The following DNAH1 variants were observed in gnomAD, a reference collection of about 807,000 sequenced individuals.
The protein encoded by DNAH1 is axonemal beta dynein heavy chain 1.
Under a neutral mutation model 484.3 loss-of-function variants are expected in DNAH1, and 327 were observed. That is an observed-to-expected ratio of 0.68 (90% CI 0.62 to 0.74). The LOEUF is 0.74. Among genes scored for constraint, DNAH1 ranks in the 30% least tolerant of loss-of-function variants. DNAH1 has a pLI of 0.00. For synonymous variants in DNAH1, 2,192 were observed against 2,191.9 expected (o/e 1.00, Z 0.00); for missense variants, 5,052 against 5,546.8 (o/e 0.91, Z 2.83).
chr3:52,359,457 G>T, intron 26 of DNAH1, 71 bp downstream of exon 26: 2 of 1,532,692 alleles, frequency 1.3e-6, no homozygotes, highest in Admixed American at 2.0e-5. Context: ...CAGTCCCTCC[G>T]GAAGCTTTCT....
chr3:52,345,482 C>T lies in DNAH1; in HGVS notation c.1445-13C>T, dbSNP rs982664732. The T allele has an allele frequency of 2.6e-6, 4 of 1,554,866 alleles. No homozygotes were observed. The highest frequency in any genetic ancestry group is 3.5e-6 in the Non-Finnish European group (4 of 1,148,578). On this transcript the variant is annotated splice_polypyrimidine_tract_variant and intron_variant, in intron 9 of 77. Transcript: ENST00000420323. ...CAGGGTCTGATACTGGCCCTTGGCCCCTATCCCTGCAGGGCTGGTGAGTGT... is the reference window on the plus strand; with the variant it reads ...CAGGGTCTGATACTGGCCCTTGGCCTCTATCCCTGCAGGGCTGGTGAGTGT...
In DNAH1 at chr3:52,393,352, T is replaced by A. The variant is rs1213693876; in HGVS notation, c.10493T>A (p.Ile3498Asn). ...TCCACAGACAACCTGAAGAAGCGCA[T>A]CTCCAACATCAACCGCTACCTGACC... ...SERADNLKKR[I>N]SNINRYLTYS... Residue 3498 changes from isoleucine to asparagine, a missense_variant, in exon 66 of 78, where the codon ATC becomes AAC. By Grantham distance (149) the Ile-to-Asn change is moderately radical. This residue lies in a region of DNAH1 where 2,929 missense variants were observed against 3,409.4 expected (regional missense o/e 0.86). Coordinates refer to ENST00000420323, the MANE Select transcript of DNAH1 (RefSeq NM_015512.5). The A allele has an allele frequency of 6.2e-7, 1 of 1,613,888 alleles. No homozygotes were observed. The highest frequency in any genetic ancestry group is 8.5e-7 in the Non-Finnish European group (1 of 1,179,856).
chr3:52,380,374 C>CA (rs1703791746), intron 48 of DNAH1, among the ~76,000 whole-genome samples: 1 of 152,100 alleles, frequency 6.6e-6, no homozygotes, highest in Admixed American at 6.5e-5. Flanking sequence ...GGGCTCTAGA[C>CA]ACAGGGGCAA....
chr3:52,367,620 G>A (rs1329594173), intron 36 of DNAH1, among the ~76,000 whole-genome samples: 1 of 151,844 alleles, frequency 6.6e-6, no homozygotes, highest in Admixed American at 6.6e-5. Context: ...TGTTGCCCAG[G>A]CTGGAGTGCA....
Position 52,359,229 on chromosome 3 carries a change from C to T in DNAH1, c.4267-17C>T. 5 of 1,560,436 alleles carry T rather than the reference C, an allele frequency of 3.2e-6. No individual in the cohort carries two copies. Among genetic ancestry groups the T allele is most frequent in the Non-Finnish European group, 4.3e-6 (5 of 1,151,732 alleles). On this transcript the variant is annotated splice_polypyrimidine_tract_variant and intron_variant, in intron 25 of 77. Coordinates refer to ENST00000420323, the MANE Select transcript of DNAH1 (RefSeq NM_015512.5). The stretch of plus-strand genomic sequence containing the variant: ...GCTGCGGCTGTCCAGGTCAGCCTGC[C>T]CATGCTGTCTTCCCAGATGCCCAGG...
In DNAH1 at chr3:52,362,569, A is replaced by G. The variant is rs1359346750; in HGVS notation, c.5094+68A>G. The G allele has an allele frequency of 2.2e-6, 3 of 1,381,986 alleles. No individual in the cohort carries two copies. The highest frequency in any genetic ancestry group is 1.8e-4 in the Middle Eastern group (1 of 5,618). The allele number at this position is 1,381,986 out of a possible 1,614,324, so 85.6% of individuals were successfully genotyped here. ...AGCCTGAGTTCAGAGATGCTAAGCC[A>G]CTTATGCAAGGACACAGTTGCTTGG... On this transcript the variant is annotated intron_variant, in intron 31 of 77. Coordinates refer to ENST00000420323, the MANE Select transcript of DNAH1 (RefSeq NM_015512.5). This position sits in a 1 kb window ranked among gnomAD's most constrained non-coding sequence, Gnocchi z 5.1.
chr3:52,394,544 G>T lies in DNAH1; in HGVS notation c.10706G>T (p.Arg3569Leu), dbSNP rs772508210. 4.0e-5 allele frequency: 64 copies of T among 1,613,840 alleles called. No individual in the cohort carries two copies. In the East Asian group the frequency reaches 1.3e-3, roughly 32 times the overall value. ...CCGGCACCGGACTGGCTGTCAGACC[G>T]GGCTTGGCGAGACATCCTAGCACTC... ...ENPAPDWLSDRAWRDILALSN... is the reference protein window; with the variant it reads ...ENPAPDWLSDLAWRDILALSN... Residue 3569 changes from arginine to leucine, a missense_variant, in exon 67 of 78, where the codon CGG becomes CTG. Physicochemically the swap from Arg to Leu is moderately radical, Grantham distance 102. Around this residue, in one of 4 missense-constraint regions of DNAH1, gnomAD observed 853 missense variants for 899.0 expected, o/e 0.95. Coordinates refer to ENST00000420323, the MANE Select transcript of DNAH1 (RefSeq NM_015512.5).
intron 60 of DNAH1, among the ~76,000 whole-genome samples, 165 bp downstream of exon 60, chr3:52,389,751 G>A (rs944032780): frequency 6.6e-6 from 1 of 152,370 alleles, no homozygotes; most frequent in African/African-American, 2.4e-5. Context: ...AGGACAGGAG[G>A]AGAAAGCTGG....
At chr3:52,340,478 A>G (rs1701896457) in intron 8 of DNAH1, among the ~76,000 whole-genome samples, 1 of 151,830 alleles carries the variant, frequency 6.6e-6, no homozygotes, top group Non-Finnish European at 1.5e-5. Flanking sequence ...TCTGTCACTC[A>G]GTCTGGAGAG....
chr3:52,312,470 G>A (rs1044161753), upstream of DNAH1, among the ~76,000 whole-genome samples: 3 of 148,026 alleles, frequency 2.0e-5, no homozygotes, highest in Admixed American at 1.3e-4. Context: ...GTATTGCCAC[G>A]CTTTTTTTTT....
Position 52,394,474 on chromosome 3 carries a change from C to T in DNAH1, c.10636C>T (p.Arg3546Ter), listed in dbSNP as rs200416242. The change falls in exon 67 of 78, where the codon CGA (arginine) becomes TGA (stop). Residue 3546 changes from arginine (R) to a stop codon, truncating the protein, a stop_gained. Coordinates refer to ENST00000420323, the MANE Select transcript of DNAH1 (RefSeq NM_015512.5). LOFTEE classifies it high-confidence loss of function. ...TCCTGTCCCCTGCCAGAGTGAGTGG[C>T]GATACCTCCTGTCTGGGGGCTCCAT... Reference protein sequence around the residue: ...NEGKINQSEWRYLLSGGSISI... With the variant: ...NEGKINQSEW The T allele has an allele frequency of 8.2e-5, 132 of 1,613,804 alleles. No homozygotes were observed. Among genetic ancestry groups the T allele is most frequent in the Non-Finnish European group, 1.0e-4 (119 of 1,179,860 alleles).
At chr3:52,339,682 C>G (rs1407426035) in intron 8 of DNAH1, among the ~76,000 whole-genome samples, 1 of 151,616 alleles carries the variant, frequency 6.6e-6, no homozygotes, top group African/African-American at 2.4e-5. Flanking sequence ...CGGTGTTCAC[C>G]TATTCATTTC....
rs1214963684 is a variant in DNAH1, at chr3:52,353,179, G to A, written c.3104G>A (p.Arg1035His). Residue 1035 changes from arginine (R) to histidine (H), a missense_variant, in exon 19 of 78, where the codon CGC (arginine) becomes CAC (histidine). Physicochemically the swap from Arg to His is conservative, Grantham distance 29. Transcript: ENST00000420323. The surrounding 1 kb of genome is among the most constrained non-coding windows in gnomAD (Gnocchi z 5.0). ...TGGACCACAGCGTCTGACTGGCTGCGCTGGTCGGAGAGCTGGATGAATGAC... is the reference window on the plus strand; with the variant it reads ...TGGACCACAGCGTCTGACTGGCTGCACTGGTCGGAGAGCTGGATGAATGAC... ...DLWTTASDWL[R>H]WSESWMNDPL... The A allele has an allele frequency of 8.1e-6, 13 of 1,613,982 alleles. No individual in the cohort carries two copies. Among genetic ancestry groups the A allele is most frequent in the African/African-American group, 1.3e-5 (1 of 75,066 alleles).
At chr3:52,363,226 G>A (rs1299746764) in intron 32 of DNAH1, 82 bp downstream of exon 32, 15 of 1,562,608 alleles carry the variant, frequency 9.6e-6, no homozygotes, top group Admixed American at 1.7e-5. Context: ...TGAGGGCCAG[G>A]CTCTATGCCC....
At position 52,353,783 on chromosome 3, in the gene DNAH1, T is replaced by A. The variant is rs1484898760; in HGVS notation, c.3480+150T>A. 2 of 993,358 alleles carry A rather than the reference T, an allele frequency of 2.0e-6. No individual in the cohort carries two copies. The highest frequency in any genetic ancestry group is 1.6e-5 in the African/African-American group (1 of 61,476). The allele number at this position is 993,358 out of a possible 1,614,324, so 61.5% of individuals were successfully genotyped here. A position where few individuals can be genotyped will look rare whatever the true frequency, so the allele number is the denominator to read the frequency against. ...GGCCCAGGGGTTGAGATGCATTCTA[T>A]TAAGTGAGTTAATAATGCACATAAA... On this transcript the variant is annotated intron_variant, in intron 20 of 77. Transcript: ENST00000420323. The surrounding 1 kb of genome is among the most constrained non-coding windows in gnomAD (Gnocchi z 5.0).
At chr3:52,346,893 G>T in intron 11 of DNAH1, 123 bp downstream of exon 11, 2 of 1,086,192 alleles carry the variant, frequency 1.8e-6, no homozygotes, top group Non-Finnish European at 2.6e-6. Flanking sequence ...GCAGTAAGGA[G>T]AGCCGAGCTC....
chr3:52,312,882 G>A (rs1485405897), upstream of DNAH1, among the ~76,000 whole-genome samples: 3 of 152,070 alleles, frequency 2.0e-5, no homozygotes, highest in Admixed American at 1.3e-4. Context: ...TCGATCTCCT[G>A]ACCTCGTGAT....
In DNAH1 at chr3:52,362,760, G is replaced by A. The variant is rs943984812; in HGVS notation, c.5095-235G>A. Among the ~76,000 whole-genome samples, 3 of 152,158 alleles carry A rather than the reference G, an allele frequency of 2.0e-5. No homozygotes were observed. Among genetic ancestry groups the A allele is most frequent in the African/African-American group, 7.2e-5 (3 of 41,424 alleles). ...CACCCTGGGCCTTCAGGAGAAACAGGAAAACAGGAGCCAAGAGGGGCATCT... is the reference window on the plus strand; with the variant it reads ...CACCCTGGGCCTTCAGGAGAAACAGAAAAACAGGAGCCAAGAGGGGCATCT... On this transcript the variant is annotated intron_variant, in intron 31 of 77. Transcript: ENST00000420323. This position sits in a 1 kb window ranked among gnomAD's most constrained non-coding sequence, Gnocchi z 5.1.
Position 52,391,000 on chromosome 3 carries a change from C to G in DNAH1, c.9687C>G (p.Arg3229=). Residue 3229 remains arginine, a synonymous_variant, in exon 61 of 78, where the codon CGC becomes CGG. Coordinates refer to ENST00000420323, the MANE Select transcript of DNAH1 (RefSeq NM_015512.5). ...ENGVINQFSQ[R]WTHFIDPQSQ... is the part of the protein sequence containing the mutation. ...GGGTCATCAACCAGTTTTCCCAGCG[C>G]TGGACCCACTTCATTGACCCTCAGA... 6.4e-7 allele frequency: 1 copy of G among 1,554,702 alleles called. No individual in the cohort carries two copies.
Sources: allele counts gnomAD v4.1 joint callset (sites outside exome capture counted in the v4.1 genomes callset), GRCh38; gene constraint gnomAD v4.1.1; regional missense constraint gnomAD v4.1.1; non-coding constraint Gnocchi (gnomAD v3.1); transcripts MANE v1.5; gene names NCBI Gene and HGNC (gene_info 2026-07-23, HGNC 2026-07-21).